SAMMSON: variants seen among roughly 807,000 people sequenced by gnomAD.
SAMMSON encodes the protein long intergenic non-protein coding RNA 1212.
At chr3:70,317,398 TTAAGA>T (rs762831870) in intron 7 of SAMMSON, among the ~76,000 whole-genome samples, 18 of 152,082 alleles carry the variant, frequency 1.2e-4, no homozygotes, top group East Asian at 3.9e-4. Context: ...GTATTTTTAA[TTAAGA>T]TAAGTACAAT....
chr3:70,357,990 T>G (rs1702842532), intron 8 of SAMMSON, among the ~76,000 whole-genome samples: 1 of 152,252 alleles, frequency 6.6e-6, no homozygotes, highest in South Asian at 2.1e-4. Flanking sequence ...CTCTTAAGAT[T>G]AAGTACCAGA....
chr3:70,280,042 C>G (rs80177359), intron 6 of SAMMSON, among the ~76,000 whole-genome samples: 1 of 152,160 alleles, frequency 6.6e-6, no homozygotes, highest in African/African-American at 2.4e-5. Flanking sequence ...GTCAGTTTCA[C>G]TGGAGCAAAA....
At chr3:70,406,086 G>A (rs969736758) in intron 2 of SAMMSON, among the ~76,000 whole-genome samples, 6 of 152,154 alleles carry the variant, frequency 3.9e-5, no homozygotes, top group Non-Finnish European at 5.9e-5. Flanking sequence ...GTAAACTAAT[G>A]CTTATGTTAA....
At chr3:70,342,529 C>A (rs2106729557) in intron 7 of SAMMSON, among the ~76,000 whole-genome samples, 1 of 152,252 alleles carries the variant, frequency 6.6e-6, no homozygotes, top group South Asian at 2.1e-4. Context: ...GTCTGATTAC[C>A]TTCTGAAGAA....
intron 7 of SAMMSON, among the ~76,000 whole-genome samples, chr3:70,339,989 G>T (rs1702698396): frequency 1.3e-5 from 2 of 152,024 alleles, no homozygotes; most frequent in African/African-American, 4.8e-5. Flanking sequence ...CAATAGCAAA[G>T]ACTTGGAACC....
chr3:70,153,519 T>A (rs994413712), intron 4 of SAMMSON, among the ~76,000 whole-genome samples: 5 of 151,790 alleles, frequency 3.3e-5, no homozygotes, highest in East Asian at 3.9e-4. Context: ...AAAAAAAAAA[T>A]TATTGAAATG....
Position 70,409,572 on chromosome 3 carries a change from G to A in SAMMSON, n.233+51248G>A, listed in dbSNP as rs535760429. 3.4e-3 allele frequency among the ~76,000 whole-genome samples: 510 copies of A among 152,096 alleles called. 4 individuals are homozygous for A. The highest frequency in any genetic ancestry group is 0.01 in the African/African-American group (432 of 41,504). On this transcript the variant is annotated intron_variant and non_coding_transcript_variant, in intron 2 of 3. Transcript: ENST00000641053. The stretch of plus-strand genomic sequence containing the variant: ...AACACTGGCTCCAAGTAATTATAAG[G>A]CCTTATCCATGTCATTTAACCTCTC...
At chr3:70,307,506 C>T (rs999075742) in intron 7 of SAMMSON, among the ~76,000 whole-genome samples, 1 of 151,920 alleles carries the variant, frequency 6.6e-6, no homozygotes, top group Non-Finnish European at 1.5e-5. Context: ...CTGTAATTTC[C>T]CCCCCCAATT....
At chr3:70,000,568 T>C (rs116586192) in intron 1 of SAMMSON, among the ~76,000 whole-genome samples, 55 of 152,288 alleles carry the variant, frequency 3.6e-4, no homozygotes, top group African/African-American at 1.2e-3. Flanking sequence ...GTTTAGCAAA[T>C]AGCAGGAGTG....
intron 7 of SAMMSON, among the ~76,000 whole-genome samples, chr3:70,338,041 C>A (rs180984152): frequency 9.7e-4 from 147 of 151,444 alleles, no homozygotes; most frequent in African/African-American, 3.5e-3. Context: ...TATTTATTGA[C>A]CAAAATTTAT....
chr3:70,059,574 C>T (rs1390668427), intron 3 of SAMMSON, among the ~76,000 whole-genome samples: 5 of 152,074 alleles, frequency 3.3e-5, no homozygotes, highest in Non-Finnish European at 7.4e-5. Flanking sequence ...AATATAGTGG[C>T]TTGAAAAGAG....
chr3:70,314,953 A>G (rs1193165918), intron 7 of SAMMSON, among the ~76,000 whole-genome samples: 1 of 152,102 alleles, frequency 6.6e-6, no homozygotes, highest in Non-Finnish European at 1.5e-5. Context: ...AGAGCAATCC[A>G]CTGCTTAAAT....
downstream of SAMMSON, among the ~76,000 whole-genome samples, chr3:70,393,865 T>G (rs145051543): frequency 5.9e-3 from 893 of 152,234 alleles, 10 homozygotes; most frequent in African/African-American, 0.02. Context: ...GACTTCTTAC[T>G]CTACATACAT....
chr3:70,029,884 C>T (rs530790379), intron 3 of SAMMSON, among the ~76,000 whole-genome samples: 1 of 151,910 alleles, frequency 6.6e-6, no homozygotes, highest in African/African-American at 2.4e-5. Flanking sequence ...ATTTGAGTAT[C>T]GTTTGCATTA....
chr3:70,045,199 T>C (rs940212571), intron 3 of SAMMSON, among the ~76,000 whole-genome samples: 2 of 140,124 alleles, frequency 1.4e-5, no homozygotes, highest in Admixed American at 7.6e-5. Flanking sequence ...ATAATATTAA[T>C]TATAATATAA....
rs550677419 is a variant in SAMMSON, at chr3:70,201,879, G to A, written n.508-47228G>A. On this transcript the variant is annotated intron_variant and non_coding_transcript_variant, in intron 4 of 9. Coordinates refer to ENST00000642114, the Ensembl canonical transcript of SAMMSON. ...TTCTGTCTAGATTCAGCCAGTAGAA[G>A]GCAGTAACTGGAACCTGCAAGATGG... Among the ~76,000 whole-genome samples the A allele has an allele frequency of 3.3e-5, 5 of 152,300 alleles. No homozygotes were observed. In the East Asian group the frequency reaches 9.7e-4, roughly 29 times the overall value.
intron 4 of SAMMSON, among the ~76,000 whole-genome samples, chr3:70,235,505 A>G (rs576539182): frequency 2.0e-4 from 31 of 152,342 alleles, no homozygotes; most frequent in Admixed American, 5.2e-4. Flanking sequence ...AAACACATGA[A>G]TACATGGCTC....
At chr3:70,391,481 T>C (rs1701048035), downstream of SAMMSON, among the ~76,000 whole-genome samples, 1 of 152,146 alleles carries the variant, frequency 6.6e-6, no homozygotes, top group Non-Finnish European at 1.5e-5. Context: ...AATATTTTTA[T>C]ATGGTCTCTT....
intron 2 of SAMMSON, among the ~76,000 whole-genome samples, chr3:70,418,147 C>A (rs566410213): frequency 2.4e-4 from 37 of 152,288 alleles, no homozygotes; most frequent in African/African-American, 8.9e-4. Context: ...TCTGAAGGAG[C>A]CTCTACTTTT....
Sources: allele counts gnomAD v4.1 joint callset (sites outside exome capture counted in the v4.1 genomes callset), GRCh38; gene constraint gnomAD v4.1.1; transcripts MANE v1.5; gene names NCBI Gene and HGNC (gene_info 2026-07-23, HGNC 2026-07-21).